Variants in FOXP2 observed in about 807,000 individuals in gnomAD.
FOXP2 encodes the protein forkhead box P2.
Under a neutral mutation model 115.8 loss-of-function variants are expected in FOXP2, and 12 were observed. The ratio of observed to expected loss-of-function variants is 0.10; its 90% CI spans 0.07 to 0.17. The LOEUF is 0.17. FOXP2 is among the 10% of genes least tolerant of loss of function. The pLI, the probability that FOXP2 is intolerant of heterozygous loss-of-function variation, is 1.00. For synonymous variants in FOXP2, 328 were observed against 297.7 expected, an observed-to-expected ratio of 1.10 and a Z score of -1.05; for missense variants, 629 against 843.5, an observed-to-expected ratio of 0.75 and a Z score of 3.15.
intron 1 of FOXP2, among the ~76,000 whole-genome samples, chr7:114,208,500 A>G (rs1223393432): frequency 2.0e-5 from 3 of 152,068 alleles, no homozygotes; most frequent in Non-Finnish European, 4.4e-5. Context: ...GAAATGAGTT[A>G]AGACTTTGGG....
chr7:114,471,184 G>T (rs1562946165), intron 2 of FOXP2, among the ~76,000 whole-genome samples: 1 of 152,026 alleles, frequency 6.6e-6, no homozygotes, highest in Non-Finnish European at 1.5e-5. Flanking sequence ...CAATTATAGT[G>T]TATAGAATAA....
chr7:114,254,217 G>A (rs969527171), intron 1 of FOXP2, among the ~76,000 whole-genome samples: 1 of 152,138 alleles, frequency 6.6e-6, no homozygotes, highest in Non-Finnish European at 1.5e-5. Flanking sequence ...CTCTCTGGCT[G>A]CCCTTAACAT....
chr7:114,680,309 C>A (rs372666573), intron 16 of FOXP2, among the ~76,000 whole-genome samples: 24 of 152,224 alleles, frequency 1.6e-4, no homozygotes, highest in African/African-American at 5.5e-4. Context: ...ATGGATAGAA[C>A]AATTTTTAAA....
intron 2 of FOXP2, among the ~76,000 whole-genome samples, chr7:114,463,585 C>T (rs950603468): frequency 6.6e-6 from 1 of 152,078 alleles, no homozygotes; most frequent in African/African-American, 2.4e-5. Context: ...AAATATGTGA[C>T]CTTACTCATT....
chr7:114,662,332 T>A, intron 14 of FOXP2, 146 bp downstream of exon 14: 1 of 1,102,098 alleles, frequency 9.1e-7, no homozygotes, highest in Non-Finnish European at 1.3e-6. Context: ...AATCTAGGTG[T>A]AGGTGGCATA....
At chr7:114,280,950 C>A (rs1006210583) in intron 1 of FOXP2, among the ~76,000 whole-genome samples, 2 of 152,098 alleles carry the variant, frequency 1.3e-5, no homozygotes, top group African/African-American at 4.8e-5. Flanking sequence ...AGCATACTTA[C>A]TACATGCTTA....
chr7:114,661,745 C>G, intron 13 of FOXP2: 1 of 357,580 alleles, frequency 2.8e-6, no homozygotes, highest in Admixed American at 4.0e-5. Flanking sequence ...CACAACAGAG[C>G]TGACCTAATT....
At chr7:114,552,404 G>A (rs769461951) in intron 3 of FOXP2, among the ~76,000 whole-genome samples, 2 of 152,108 alleles carry the variant, frequency 1.3e-5, no homozygotes, top group Admixed American at 6.5e-5. Context: ...CTGGGAAGAC[G>A]TGACTCAAGC....
chr7:114,349,156 C>G (rs1224657503), intron 2 of FOXP2, among the ~76,000 whole-genome samples: 1 of 151,810 alleles, frequency 6.6e-6, no homozygotes, highest in African/African-American at 2.4e-5. Flanking sequence ...CGCAAATCAC[C>G]TAAAATTAAC....
At chr7:114,579,702 T>G (rs1490473952) in intron 3 of FOXP2, among the ~76,000 whole-genome samples, 1 of 152,202 alleles carries the variant, frequency 6.6e-6, no homozygotes, top group Non-Finnish European at 1.5e-5. Context: ...TTTTTTAATA[T>G]TGTGTATCAT....
At chr7:114,554,802 G>T (rs1800379671) in intron 3 of FOXP2, among the ~76,000 whole-genome samples, 1 of 151,708 alleles carries the variant, frequency 6.6e-6, no homozygotes. Context: ...ACTTTCAATA[G>T]TATTTTAATG....
At chr7:114,644,560 A>G (rs748238991) in intron 7 of FOXP2, 125 bp from the exon 8 acceptor site, 2 of 748,246 alleles carry the variant, frequency 2.7e-6, no homozygotes, top group Non-Finnish European at 4.7e-6. Context: ...AATTTTTCTG[A>G]CTGCTCTGAG....
chr7:114,390,522 GTATTTATT>G (rs6150298), intron 2 of FOXP2, among the ~76,000 whole-genome samples: 18 of 148,264 alleles, frequency 1.2e-4, no homozygotes, highest in South Asian at 2.2e-4. Context: ...TTTTATTTAT[GTATTTATT>G]TATTTATTTA....
rs1390802452 is a variant in FOXP2 at position 114,693,088 on chromosome 7, A to T, written c.*3162A>T. The T allele has an allele frequency of 1.3e-5, 6 of 453,806 alleles. No individual in the cohort carries two copies. The highest frequency in any genetic ancestry group is 2.6e-5 in the Non-Finnish European group (6 of 226,678). The allele number at this position is 453,806 out of a possible 1,614,324, so 28.1% of individuals were successfully genotyped here. A position where few individuals can be genotyped will look rare whatever the true frequency, so the allele number is the denominator to read the frequency against. ...TACAAAGACACAATTGCTTAAACCTAGTGGGCTTAAGGCTTATATTCTATG... is the reference window on the plus strand; with the variant it reads ...TACAAAGACACAATTGCTTAAACCTTGTGGGCTTAAGGCTTATATTCTATG... On this transcript the variant is annotated 3_prime_UTR_variant, in exon 17 of 17. Transcript: ENST00000350908.
chr7:114,170,901 A>T (rs1381178271), intron 1 of FOXP2, among the ~76,000 whole-genome samples: 1 of 152,258 alleles, frequency 6.6e-6, no homozygotes, highest in Non-Finnish European at 1.5e-5. Flanking sequence ...TCATTGATAA[A>T]GTTGGCTACA....
At chr7:114,274,324 A>G (rs536647214) in intron 1 of FOXP2, among the ~76,000 whole-genome samples, 2 of 152,240 alleles carry the variant, frequency 1.3e-5, no homozygotes, top group Admixed American at 6.5e-5. Context: ...TTTTGAATGA[A>G]CTGTTATATG....
intron 1 of FOXP2, among the ~76,000 whole-genome samples, chr7:114,217,464 T>C (rs939464698): frequency 1.3e-5 from 2 of 152,208 alleles, no homozygotes; most frequent in African/African-American, 4.8e-5. Context: ...ATCAGTTTAT[T>C]AACTTAAAAT....
intron 3 of FOXP2, among the ~76,000 whole-genome samples, chr7:114,582,067 C>T (rs1801899254): frequency 6.6e-6 from 1 of 152,040 alleles, no homozygotes; most frequent in Admixed American, 6.6e-5. Flanking sequence ...TGAGAAAGAT[C>T]TTGGTGCAGG....
chr7:114,220,471 T>A (rs926704084), intron 1 of FOXP2, among the ~76,000 whole-genome samples: 1 of 152,216 alleles, frequency 6.6e-6, no homozygotes, highest in African/African-American at 2.4e-5. Context: ...TTACTTTCAT[T>A]GAAAATGTAC....
Sources: allele counts gnomAD v4.1 joint callset (sites outside exome capture counted in the v4.1 genomes callset), GRCh38; gene constraint gnomAD v4.1.1; transcripts MANE v1.5; gene names NCBI Gene and HGNC (gene_info 2026-07-23, HGNC 2026-07-21).